Variants in TTC39C observed in about 807,000 individuals in gnomAD.
The protein encoded by TTC39C is tetratricopeptide repeat domain 39C.
In TTC39C, 33 loss-of-function variants were observed where a neutral mutation model predicts 76.3. The observed-to-expected ratio is 0.43, with a 90% CI of 0.33 to 0.58. TTC39C has a LOEUF of 0.58. Among genes scored for constraint, TTC39C ranks in the 20% least tolerant of loss-of-function variants. The pLI is 0.04. For missense variants in TTC39C, 595 were observed against 701.4 expected, an observed-to-expected ratio of 0.85 and a Z score of 1.71; for synonymous variants, 254 against 260.6, an observed-to-expected ratio of 0.97 and a Z score of 0.24.
chr18:24,013,310 C>T (rs746389695), upstream of TTC39C, among the ~76,000 whole-genome samples: 12 of 152,158 alleles, frequency 7.9e-5, no homozygotes, highest in Non-Finnish European at 1.6e-4. Flanking sequence ...GGCTTTGCAA[C>T]AGTTACACAT....
At chr18:23,996,985 T>C (rs749085450) in intron 1 of TTC39C, among the ~76,000 whole-genome samples, 4 of 152,160 alleles carry the variant, frequency 2.6e-5, no homozygotes, top group Non-Finnish European at 5.9e-5. Flanking sequence ...GGCACACACC[T>C]GTAGTCCCAG....
At chr18:24,098,414 C>CTCCTTCCT (rs1345784860) in intron 6 of TTC39C, among the ~76,000 whole-genome samples, 2 of 74,474 alleles carry the variant, frequency 2.7e-5, no homozygotes, top group Non-Finnish European at 4.7e-5. Context: ...CCCTCCCTCC[C>CTCCTTCCT]TCCTTCCTTC....
chr18:24,044,048 ATGTTTGTGTG>A (rs1452601288), intron 1 of TTC39C, among the ~76,000 whole-genome samples: 2 of 96,350 alleles, frequency 2.1e-5, no homozygotes, highest in Non-Finnish European at 4.1e-5. Flanking sequence ...GCATTTGTGT[ATGTTTGTGTG>A]TGTGTGTGTG....
At chr18:24,106,531 C>T (rs2084747135) in intron 6 of TTC39C, among the ~76,000 whole-genome samples, 1 of 152,112 alleles carries the variant, frequency 6.6e-6, no homozygotes, top group South Asian at 2.1e-4. Context: ...CCCTCTTCCT[C>T]ACTGACGTGG....
chr18:24,020,224 A>G (rs2083502537), intron 1 of TTC39C: 1 of 1,074,142 alleles, frequency 9.3e-7, no homozygotes, highest in African/African-American at 1.7e-5. Flanking sequence ...GGAAAAAGGC[A>G]TCTTTTTTCC....
intron 1 of TTC39C, among the ~76,000 whole-genome samples, chr18:24,021,240 A>G (rs34687447): frequency 0.21 from 32,579 of 152,102 alleles, 4,233 homozygotes; most frequent in East Asian, 0.57. Flanking sequence ...GAAAGGAGTC[A>G]GGTGGGGTAG....
chr18:24,062,752 A>G (rs1191376141), intron 1 of TTC39C, among the ~76,000 whole-genome samples: 1 of 152,218 alleles, frequency 6.6e-6, no homozygotes, highest in Non-Finnish European at 1.5e-5. Flanking sequence ...AGAGTCCTGG[A>G]TCTCACACAC....
At chr18:24,076,476 G>A (rs888842555) in intron 4 of TTC39C, among the ~76,000 whole-genome samples, 1 of 151,674 alleles carries the variant, frequency 6.6e-6, no homozygotes, top group Non-Finnish European at 1.5e-5. Flanking sequence ...CTGCTGGAGC[G>A]GCCCCTGTAG....
At chr18:24,074,836 A>G (rs1724027754) in intron 4 of TTC39C, among the ~76,000 whole-genome samples, 1 of 152,208 alleles carries the variant, frequency 6.6e-6, no homozygotes, top group Admixed American at 6.5e-5. Flanking sequence ...ATGCTGCTAT[A>G]AAGACACATG....
intron 1 of TTC39C, chr18:24,019,874 C>T (rs141059000): frequency 6.5e-7 from 1 of 1,527,022 alleles, no homozygotes; most frequent in African/African-American, 1.4e-5. Context: ...AGTTTTTTGA[C>T]TTCTGAGAAA....
chr18:24,127,293 G>C (rs2085063550), intron 10 of TTC39C, among the ~76,000 whole-genome samples: 2 of 152,146 alleles, frequency 1.3e-5, no homozygotes, highest in South Asian at 4.1e-4. Flanking sequence ...TTATGTTCCA[G>C]AAAACAGCAG....
chr18:24,095,985 CA>C (rs1015784937), intron 6 of TTC39C, among the ~76,000 whole-genome samples: 1 of 152,130 alleles, frequency 6.6e-6, no homozygotes. Context: ...GTGGAGCAGC[CA>C]GATCACACAC....
intron 6 of TTC39C, among the ~76,000 whole-genome samples, chr18:24,095,908 T>C (rs888571119): frequency 6.6e-6 from 1 of 152,086 alleles, no homozygotes; most frequent in African/African-American, 2.4e-5. Flanking sequence ...TTAATCAACC[T>C]CAATTAATGC....
chr18:23,998,254 A>G (rs1460592708), intron 1 of TTC39C, among the ~76,000 whole-genome samples: 3 of 152,160 alleles, frequency 2.0e-5, no homozygotes, highest in African/African-American at 7.2e-5. Context: ...AGTCTCCCTT[A>G]TTGTTGTCCT....
intron 4 of TTC39C, among the ~76,000 whole-genome samples, chr18:24,072,505 C>G (rs2084254145): frequency 6.6e-6 from 1 of 152,282 alleles, no homozygotes; most frequent in African/African-American, 2.4e-5. Context: ...CCATGTTGGC[C>G]AGGCTGGTCT....
intron 1 of TTC39C, among the ~76,000 whole-genome samples, chr18:24,056,562 T>G (rs2084019025): frequency 1.4e-5 from 1 of 70,632 alleles, no homozygotes; most frequent in Admixed American, 1.9e-4. Context: ...ATACATTCTC[T>G]TCCACTGTGT....
intron 3 of TTC39C, 129 bp downstream of exon 3, chr18:24,066,269 T>A (rs767460455): frequency 1.1e-5 from 14 of 1,246,378 alleles, no homozygotes; most frequent in Non-Finnish European, 1.5e-5. Flanking sequence ...ACAATGTTTC[T>A]TATGGTTTTT....
intron 4 of TTC39C, among the ~76,000 whole-genome samples, chr18:24,073,195 T>C (rs1052613024): frequency 6.6e-6 from 1 of 152,170 alleles, no homozygotes; most frequent in South Asian, 2.1e-4. Context: ...TGGGCCACAC[T>C]CTCCATTGCT....
Position 24,014,800 on chromosome 18 carries a change from C to A in TTC39C, c.-72C>A. 1 of 1,190,850 alleles carries A rather than the reference C, an allele frequency of 8.4e-7. No individual in the cohort carries two copies. 73.8% of individuals were successfully genotyped at this position (1,190,850 alleles called of 1,614,324 possible). ...TTGGCTCCGGGCAGGTAGAGCCGGG[C>A]TCCGGGCGCGCGCGGGGCCGCAGCA... is the stretch of plus-strand genomic sequence containing the variant. On this transcript the variant is annotated 5_prime_UTR_variant, in exon 1 of 14. Coordinates refer to ENST00000317571, the MANE Select transcript of TTC39C (RefSeq NM_001135993.2).
Sources: allele counts gnomAD v4.1 joint callset (sites outside exome capture counted in the v4.1 genomes callset), GRCh38; gene constraint gnomAD v4.1.1; transcripts MANE v1.5; gene names NCBI Gene and HGNC (gene_info 2026-07-23, HGNC 2026-07-21).